CPED1: variants seen among roughly 807,000 people sequenced by gnomAD.
CPED1 encodes cadherin-like and PC-esterase domain-containing protein 1.
A neutral mutation model predicts 128.2 loss-of-function variants in CPED1; 114 were observed. That is an observed-to-expected ratio of 0.89 (90% CI 0.76 to 1.04). CPED1 has a LOEUF of 1.04. Among genes scored for constraint, CPED1 ranks in the 50% least tolerant of loss-of-function variants. CPED1 has a pLI of 0.00. For synonymous variants in CPED1, 462 were observed against 426.7 expected (o/e 1.08, Z -1.02); for missense variants, 1,211 against 1,207.1 (o/e 1.00, Z -0.05).
At chr7:121,083,376 G>C (rs1210968991) in intron 5 of CPED1, among the ~76,000 whole-genome samples, 2 of 152,126 alleles carry the variant, frequency 1.3e-5, no homozygotes, top group Non-Finnish European at 2.9e-5. Flanking sequence ...AGAATTAGTT[G>C]TCCTAGCTTT....
intron 16 of CPED1, among the ~76,000 whole-genome samples, chr7:121,219,426 A>G (rs1248282966): frequency 6.6e-6 from 1 of 152,062 alleles, no homozygotes; most frequent in East Asian, 1.9e-4. Context: ...TTTAGGTTGA[A>G]AAAGAAAAAA....
chr7:121,025,885 C>A (rs1468556780), intron 3 of CPED1, among the ~76,000 whole-genome samples: 1 of 152,130 alleles, frequency 6.6e-6, no homozygotes, highest in Non-Finnish European at 1.5e-5. Context: ...GTCCAGGTAC[C>A]TGATAGATGT....
chr7:121,176,193 GA>G (rs34712656), intron 16 of CPED1, among the ~76,000 whole-genome samples: 15,927 of 61,770 alleles, frequency 0.26, 1,147 homozygotes, highest in Middle Eastern at 0.4. Context: ...CTCCCCGCTG[GA>G]AAAAAAAAAA....
chr7:120,993,195 G>C (rs1276314196), intron 2 of CPED1, among the ~76,000 whole-genome samples: 2 of 152,140 alleles, frequency 1.3e-5, no homozygotes, highest in Admixed American at 1.3e-4. Flanking sequence ...TCACTCAATA[G>C]ATTTATCTAT....
intron 9 of CPED1, among the ~76,000 whole-genome samples, chr7:121,126,565 A>G (rs1195016520): frequency 5.9e-5 from 9 of 152,276 alleles, no homozygotes; most frequent in African/African-American, 1.4e-4. Context: ...AAAATTATGT[A>G]TAACTAGAAT....
At chr7:121,112,288 A>AT (rs1230200040) in intron 7 of CPED1, among the ~76,000 whole-genome samples, 1 of 152,346 alleles carries the variant, frequency 6.6e-6, no homozygotes, top group East Asian at 1.9e-4. Flanking sequence ...GTGTAATTAA[A>AT]TTAAAGATAT....
At chr7:121,095,398 A>G (rs1380375486) in intron 5 of CPED1, among the ~76,000 whole-genome samples, 2 of 152,200 alleles carry the variant, frequency 1.3e-5, no homozygotes, top group East Asian at 3.8e-4. Context: ...CAGCTTTTAA[A>G]GATATAAATG....
At chr7:121,225,461 G>T (rs1338589125) in intron 16 of CPED1, among the ~76,000 whole-genome samples, 4 of 151,988 alleles carry the variant, frequency 2.6e-5, no homozygotes, top group Admixed American at 6.5e-5. Flanking sequence ...GTGTCTTGGG[G>T]TTTCTCTTCT....
At chr7:121,049,652 T>G (rs1176538085) in intron 4 of CPED1, among the ~76,000 whole-genome samples, 2 of 152,222 alleles carry the variant, frequency 1.3e-5, no homozygotes, top group African/African-American at 2.4e-5. Context: ...ACCCTTTTCT[T>G]ATCTGTTTCT....
intron 5 of CPED1, among the ~76,000 whole-genome samples, chr7:121,088,441 C>T (rs531182290): frequency 1.3e-5 from 2 of 152,036 alleles, no homozygotes; most frequent in Non-Finnish European, 2.9e-5. Context: ...GGGCAGATCA[C>T]GATGTCAAGA....
At chr7:121,025,684 T>C (rs1454916940) in intron 3 of CPED1, among the ~76,000 whole-genome samples, 2 of 152,154 alleles carry the variant, frequency 1.3e-5, no homozygotes, top group African/African-American at 4.8e-5. Flanking sequence ...TCCTTCTTTG[T>C]GTTCTTTCTC....
chr7:121,009,699 T>C (rs1245755799), intron 2 of CPED1, among the ~76,000 whole-genome samples: 2 of 151,596 alleles, frequency 1.3e-5, no homozygotes, highest in East Asian at 3.9e-4. Context: ...AGCCAGACAC[T>C]TCAGTGCAAT....
intron 16 of CPED1, among the ~76,000 whole-genome samples, chr7:121,211,109 T>G (rs1268091449): frequency 6.6e-6 from 1 of 152,124 alleles, no homozygotes; most frequent in African/African-American, 2.4e-5. Flanking sequence ...TATTATGTCA[T>G]TCTTATTTCC....
chr7:121,140,686 T>G (rs1795880419), intron 14 of CPED1, 141 bp from the exon 15 acceptor site: 2 of 611,652 alleles, frequency 3.3e-6, no homozygotes, highest in Middle Eastern at 4.4e-4. Flanking sequence ...TCAACTATGA[T>G]CAGGGTACTG....
chr7:121,174,389 G>T (rs1796728051), intron 16 of CPED1, among the ~76,000 whole-genome samples: 1 of 151,860 alleles, frequency 6.6e-6, no homozygotes, highest in Admixed American at 6.6e-5. Flanking sequence ...ATCTTGAGTT[G>T]ATTTTTGTAT....
chr7:121,271,272 C>G lies in CPED1; in HGVS notation c.2722-12C>G. Reference sequence around the variant, plus strand: ...GGTAATAAAAATTCTCATTCTTCTGCTTTCCAATCAGAGTGAAGTACAGAA... The same window carrying G: ...GGTAATAAAAATTCTCATTCTTCTGGTTTCCAATCAGAGTGAAGTACAGAA... On this transcript the variant is annotated splice_polypyrimidine_tract_variant and intron_variant, in intron 21 of 22. Transcript: ENST00000310396. 1.3e-6 allele frequency: 2 copies of G among 1,593,090 alleles called. No homozygotes were observed. Among genetic ancestry groups the G allele is most frequent in the South Asian group, 2.3e-5 (2 of 87,246 alleles).
chr7:121,295,507 T>A lies in CPED1; in HGVS notation c.2936T>A (p.Met979Lys). 4 of 1,614,044 alleles carry A rather than the reference T, an allele frequency of 2.5e-6. No individual in the cohort carries two copies. The highest frequency in any genetic ancestry group is 3.4e-6 in the Non-Finnish European group (4 of 1,179,920). The change falls in exon 23 of 23, where the codon ATG becomes AAG. Residue 979 changes from methionine (M) to lysine (K), a missense_variant. Met to Lys is a moderately conservative substitution (Grantham distance 95). Transcript: ENST00000310396. ...IKMKRSRNHI[M>K]GRYFSNQSKL... ...ATGAAAAGATCAAGAAATCATATCA[T>A]GGGAAGATATTTCAGCAATCAAAGC...
In CPED1 at chr7:121,238,617, G is replaced by A. The variant is rs912930101; in HGVS notation, c.2173+1786G>A. ...TCCAAAATGAAGTGATGTTCCTTAC[G>A]AAGAGGAGGAAGTGGCACAGGGCCA... On this transcript the variant is annotated intron_variant, in intron 17 of 22. Coordinates refer to ENST00000310396, the MANE Select transcript of CPED1 (RefSeq NM_024913.5). Among the ~76,000 whole-genome samples the A allele has an allele frequency of 1.2e-4, 18 of 152,130 alleles. No homozygotes were observed. The South Asian group carries it at 3.5e-3, about 30-fold the overall frequency.
intron 7 of CPED1, among the ~76,000 whole-genome samples, chr7:121,109,769 ATTTG>A (rs1433826250): frequency 6.6e-6 from 1 of 152,208 alleles, no homozygotes; most frequent in Non-Finnish European, 1.5e-5. Context: ...CATGAAGAAT[ATTTG>A]TTCAAATCAC....
Sources: allele counts gnomAD v4.1 joint callset (sites outside exome capture counted in the v4.1 genomes callset), GRCh38; gene constraint gnomAD v4.1.1; transcripts MANE v1.5; gene names NCBI Gene and HGNC (gene_info 2026-07-23, HGNC 2026-07-21).